Variants in RTL4 observed in about 807,000 individuals in gnomAD.
RTL4 encodes the protein retrotransposon Gag-like protein 4.
Under a neutral mutation model 5.3 loss-of-function variants are expected in RTL4, and 4 were observed. That is an observed-to-expected ratio of 0.75 (90% CI 0.37 to 1.72). The LOEUF is 1.72. Ranked by LOEUF, RTL4 falls within the 40% of genes most tolerant of loss-of-function variation. The pLI, the probability that RTL4 is intolerant of heterozygous loss-of-function variation, is 0.04. For synonymous variants in RTL4, 98 were observed against 87.3 expected (o/e 1.12, Z -0.68); for missense variants, 260 against 227.1 (o/e 1.14, Z -0.93).
At chrX:112,262,577 C>T in the RTL4 span, among the ~76,000 whole-genome samples, 1 of 112,056 alleles carries the variant, frequency 8.9e-6, no homozygotes, top group Non-Finnish European at 1.9e-5. Flanking sequence ...GAATTAGGAA[C>T]ACTTTTACAC....
At chrX:112,137,516 C>T in the RTL4 span, among the ~76,000 whole-genome samples, 2 of 111,182 alleles carry the variant, frequency 1.8e-5, no homozygotes, top group Non-Finnish European at 3.8e-5. Context: ...TGTCAAACAC[C>T]ACACATCTTG....
chrX:112,405,882 G>T, the RTL4 span, among the ~76,000 whole-genome samples: 4 of 111,063 alleles, frequency 3.6e-5, no homozygotes, highest in Admixed American at 3.8e-4. Flanking sequence ...CCTCCCAGCA[G>T]CAATGGCATA....
At chrX:112,266,096 C>T in the RTL4 span, among the ~76,000 whole-genome samples, 3 of 110,621 alleles carry the variant, frequency 2.7e-5, no homozygotes, top group Non-Finnish European at 5.7e-5. Flanking sequence ...TGGATACCCT[C>T]GAGGCACACA....
chrX:112,313,263 T>A, the RTL4 span, among the ~76,000 whole-genome samples: 3 of 111,124 alleles, frequency 2.7e-5, no homozygotes, highest in Non-Finnish European at 3.8e-5. Context: ...AGAAAAAAAA[T>A]TGTTATCTTA....
At chrX:112,341,537 T>A in the RTL4 span, among the ~76,000 whole-genome samples, 1 of 111,819 alleles carries the variant, frequency 8.9e-6, no homozygotes, top group South Asian at 3.8e-4. Flanking sequence ...TTTTATTAAA[T>A]TGACTGGCTG....
the RTL4 span, among the ~76,000 whole-genome samples, chrX:112,394,953 T>G: frequency 8.9e-6 from 1 of 112,109 alleles, no homozygotes; most frequent in Admixed American, 9.4e-5. Flanking sequence ...TTAACTGAAT[T>G]TTTTGGTTTC....
chrX:112,115,399 A>G, the RTL4 span, among the ~76,000 whole-genome samples: 1 of 111,479 alleles, frequency 9.0e-6, no homozygotes, highest in African/African-American at 3.3e-5. Context: ...TCCTGCTAGT[A>G]TTGGGACCTT....
chrX:112,133,095 T>C, the RTL4 span, among the ~76,000 whole-genome samples: 1 of 112,070 alleles, frequency 8.9e-6, no homozygotes, highest in Non-Finnish European at 1.9e-5. Flanking sequence ...TAGCGGCATA[T>C]AGGAAAGAAT....
chrX:112,328,749 T>C, the RTL4 span, among the ~76,000 whole-genome samples: 1 of 111,718 alleles, frequency 9.0e-6, no homozygotes, highest in Non-Finnish European at 1.9e-5. Flanking sequence ...ATTGACCACA[T>C]ACTTGGAAGT....
At chrX:112,090,194 T>C in the RTL4 span, among the ~76,000 whole-genome samples, 1 of 110,283 alleles carries the variant, frequency 9.1e-6, no homozygotes, top group South Asian at 3.8e-4. Flanking sequence ...ATAAGATCTG[T>C]GAATAGAGGT....
At chrX:112,288,797 G>A in the RTL4 span, among the ~76,000 whole-genome samples, 1 of 111,659 alleles carries the variant, frequency 9.0e-6, no homozygotes, top group African/African-American at 3.3e-5. Context: ...TGAGCATGTA[G>A]TAACTCTTAA....
chrX:112,125,981 A>G, the RTL4 span, among the ~76,000 whole-genome samples: 1 of 111,678 alleles, frequency 9.0e-6, no homozygotes, highest in Non-Finnish European at 1.9e-5. Context: ...GAGAGAAGTT[A>G]CACAGGGCCG....
chrX:112,342,211 T>C, the RTL4 span, among the ~76,000 whole-genome samples: 1 of 111,282 alleles, frequency 9.0e-6, no homozygotes, highest in Admixed American at 9.6e-5. Flanking sequence ...CATACCAGGA[T>C]GAACACTTTT....
At chrX:112,285,194 C>T in the RTL4 span, among the ~76,000 whole-genome samples, 1 of 111,628 alleles carries the variant, frequency 9.0e-6, no homozygotes, top group African/African-American at 3.3e-5. Context: ...TTAGTTTGTT[C>T]TAGGATGTTT....
At chrX:112,292,630 C>T in the RTL4 span, among the ~76,000 whole-genome samples, 8 of 111,232 alleles carry the variant, frequency 7.2e-5, no homozygotes, top group African/African-American at 2.6e-4. Flanking sequence ...TTTGTAAAAC[C>T]AATTAAATAA....
chrX:112,276,127 A>G, the RTL4 span, among the ~76,000 whole-genome samples: 2 of 111,849 alleles, frequency 1.8e-5, no homozygotes, highest in Non-Finnish European at 3.8e-5. Context: ...TTTCAATTTA[A>G]AGAAAGAGAG....
chrX:112,308,018 T>C, the RTL4 span, among the ~76,000 whole-genome samples: 1 of 111,480 alleles, frequency 9.0e-6, no homozygotes, highest in Admixed American at 9.7e-5. Context: ...CACTATCTTT[T>C]CTCCAATTGG....
the RTL4 span, among the ~76,000 whole-genome samples, chrX:112,150,198 G>A: frequency 1.8e-5 from 2 of 111,551 alleles, no homozygotes; most frequent in African/African-American, 6.5e-5. Flanking sequence ...ATTGTAAGGA[G>A]TTTGGCTTTT....
chrX:112,326,178 A>G, the RTL4 span, among the ~76,000 whole-genome samples: 1 of 111,989 alleles, frequency 8.9e-6, no homozygotes, highest in African/African-American at 3.2e-5. Context: ...GAACAGTTCC[A>G]GTCTACAGCT....
Sources: allele counts gnomAD v4.1 joint callset (sites outside exome capture counted in the v4.1 genomes callset), GRCh38; gene constraint gnomAD v4.1.1; transcripts MANE v1.5; gene names NCBI Gene and HGNC (gene_info 2026-07-23, HGNC 2026-07-21).